The following IL1RAP variants were observed in gnomAD, a reference collection of about 807,000 sequenced individuals.
IL1RAP encodes the protein interleukin-1 receptor accessory protein.
A neutral mutation model predicts 60.7 loss-of-function variants in IL1RAP; 35 were observed. The observed-to-expected ratio is 0.58, with a 90% CI of 0.44 to 0.76. IL1RAP has a LOEUF of 0.76. Ranked by LOEUF, IL1RAP falls within the 30% of genes least tolerant of loss-of-function variation. IL1RAP has a pLI of 0.00. For missense variants in IL1RAP, 572 were observed against 693.9 expected (o/e 0.82, Z 1.97); for synonymous variants, 268 against 250.9 (o/e 1.07, Z -0.64).
At chr3:190,562,745 A>T (rs550216661) in intron 2 of IL1RAP, among the ~76,000 whole-genome samples, 19 of 151,622 alleles carry the variant, frequency 1.3e-4, no homozygotes, top group Non-Finnish European at 2.7e-4. Context: ...CATCTGCTAC[A>T]TAACCACACA....
intron 3 of IL1RAP, among the ~76,000 whole-genome samples, chr3:190,594,901 T>C (rs1421156383): frequency 6.6e-6 from 1 of 152,220 alleles, no homozygotes; most frequent in Non-Finnish European, 1.5e-5. Flanking sequence ...TACACTATTA[T>C]GAGCTTCTTT....
At position 190,623,390 on chromosome 3, in the gene IL1RAP, T is replaced by A. The variant is rs1731948729; in HGVS notation, c.750T>A (p.Asp250Glu). The A allele has an allele frequency of 1.9e-6, 3 of 1,613,200 alleles. No individual in the cohort carries two copies. In the East Asian group the frequency reaches 6.7e-5, roughly 36 times the overall value. ...AVPPVIHSPN[D>E]HVVYEKEPGE... Reference sequence around the variant, plus strand: ...CCCCTGTGATCCATTCACCTAATGATCATGTGGTCTATGAGAAAGAACCAG... The same window carrying A: ...CCCCTGTGATCCATTCACCTAATGAACATGTGGTCTATGAGAAAGAACCAG... The change falls in exon 7 of 12, where the codon GAT becomes GAA. Residue 250 changes from aspartate (D) to glutamate (E), a missense_variant. Asp to Glu is a conservative substitution (Grantham distance 45, BLOSUM62 2). Coordinates refer to ENST00000447382, the MANE Select transcript of IL1RAP (RefSeq NM_002182.4).
At chr3:190,523,746 A>T (rs543457380) in intron 1 of IL1RAP, among the ~76,000 whole-genome samples, 1 of 152,052 alleles carries the variant, frequency 6.6e-6, no homozygotes, top group African/African-American at 2.4e-5. Context: ...TATGTACCAT[A>T]TTTTCTTTAT....
intron 1 of IL1RAP, among the ~76,000 whole-genome samples, chr3:190,518,241 T>C (rs995999472): frequency 6.6e-6 from 1 of 152,074 alleles, no homozygotes; most frequent in Non-Finnish European, 1.5e-5. Flanking sequence ...ATAGAGATGA[T>C]CTTTTGGCTC....
intron 3 of IL1RAP, among the ~76,000 whole-genome samples, chr3:190,579,083 G>A (rs1727758303): frequency 6.6e-6 from 1 of 152,104 alleles, no homozygotes; most frequent in Non-Finnish European, 1.5e-5. Flanking sequence ...ATATCTCTTT[G>A]TTACAGGCAG....
At chr3:190,573,044 TAGTAGAGACGGGGTTTC>T (rs1727118128) in intron 3 of IL1RAP, among the ~76,000 whole-genome samples, 1 of 50,502 alleles carries the variant, frequency 2.0e-5, no homozygotes, top group South Asian at 5.7e-4. Context: ...TTTGTATTTT[TAGTAGAGACGGGGTTTC>T]ACCGTTTTAG....
At chr3:190,655,203 A>G (rs931873238), downstream of IL1RAP, among the ~76,000 whole-genome samples, 1 of 152,152 alleles carries the variant, frequency 6.6e-6, no homozygotes, top group African/African-American at 2.4e-5. Flanking sequence ...TGATCAGACT[A>G]TGTCAGGAGC....
rs143025287 is a variant in IL1RAP at position 190,562,371 on chromosome 3, GT to G, written c.-1-1908del. ...CACTTTTTACTTCATATTGCAGGGGGTTTTTTTTTTGGTGCACATTTTAAGT... is the reference window on the plus strand; with the variant it reads ...CACTTTTTACTTCATATTGCAGGGGGTTTTTTTTTGGTGCACATTTTAAGT... On this transcript the variant is annotated intron_variant, in intron 2 of 11. Coordinates refer to ENST00000447382, the MANE Select transcript of IL1RAP (RefSeq NM_002182.4). Among the ~76,000 whole-genome samples, 71 of 147,400 alleles carry G rather than the reference GT, an allele frequency of 4.8e-4. 3 individuals are homozygous for G. Among genetic ancestry groups the G allele is most frequent in the Admixed American group, 1.7e-3 (25 of 14,770 alleles).
intron 7 of IL1RAP, among the ~76,000 whole-genome samples, chr3:190,625,978 A>G (rs141583631): frequency 4.7e-4 from 72 of 152,326 alleles, no homozygotes; most frequent in Non-Finnish European, 1.3e-4. Context: ...ATGGGAGGGT[A>G]GATAGAGTAT....
chr3:190,561,392 C>T (rs570215518), intron 2 of IL1RAP, among the ~76,000 whole-genome samples: 1 of 152,260 alleles, frequency 6.6e-6, no homozygotes, highest in Non-Finnish European at 1.5e-5. Flanking sequence ...TATTCTAATT[C>T]ATCACAGGGC....
At chr3:190,574,069 C>A (rs1431212406) in intron 3 of IL1RAP, among the ~76,000 whole-genome samples, 2 of 152,150 alleles carry the variant, frequency 1.3e-5, no homozygotes, top group African/African-American at 2.4e-5. Flanking sequence ...ATTTAAAATA[C>A]ACCATGCTGC....
chr3:190,535,958 A>G (rs1163675446), intron 1 of IL1RAP, among the ~76,000 whole-genome samples: 31 of 152,182 alleles, frequency 2.0e-4, no homozygotes, highest in Admixed American at 2.0e-3. Context: ...ATCCTGAGAA[A>G]TTATACTTTC....
intron 3 of IL1RAP, chr3:190,564,565 G>T: frequency 1.8e-6 from 1 of 567,358 alleles, no homozygotes; most frequent in Non-Finnish European, 3.2e-6. Context: ...GTACACAGGG[G>T]GCAGTGGGCC....
intron 9 of IL1RAP, chr3:190,642,164 G>A (rs1420758419): frequency 6.6e-6 from 1 of 152,150 alleles, no homozygotes; most frequent in South Asian, 2.1e-4. Flanking sequence ...TGATTTCCTG[G>A]ATGTGAAGCT....
At chr3:190,576,914 G>GGCTAA (rs1560183284) in intron 3 of IL1RAP, among the ~76,000 whole-genome samples, 6 of 151,258 alleles carry the variant, frequency 4.0e-5, no homozygotes, top group Admixed American at 6.6e-5. Context: ...GAGATCGAGA[G>GGCTAA]CACGGTGAAA....
intron 1 of IL1RAP, among the ~76,000 whole-genome samples, chr3:190,539,924 CT>C (rs1182739815): frequency 6.6e-6 from 1 of 151,864 alleles, no homozygotes; most frequent in African/African-American, 2.4e-5. Flanking sequence ...CTTCTTTCTA[CT>C]TTTATTGGCT....
chr3:190,658,109 C>T (rs1734675019), exon 12 of IL1RAP: 1 of 150,682 alleles, frequency 6.6e-6, no homozygotes, highest in South Asian at 2.1e-4. Context: ...ATTTTTGTCA[C>T]TAATTGAGCC....
intron 3 of IL1RAP, among the ~76,000 whole-genome samples, chr3:190,574,792 G>A (rs1349446657): frequency 2.0e-5 from 3 of 152,128 alleles, no homozygotes; most frequent in Non-Finnish European, 2.9e-5. Context: ...TCTCGGAAAC[G>A]ATCACTTTTT....
At chr3:190,595,507 C>A (rs1729302211) in intron 3 of IL1RAP, among the ~76,000 whole-genome samples, 1 of 152,174 alleles carries the variant, frequency 6.6e-6, no homozygotes. Context: ...ATCTCAGTCC[C>A]AGGTTAATAT....
Sources: gnomAD v4.1 joint callset for allele counts (sites outside exome capture counted in the v4.1 genomes callset) on GRCh38, gnomAD v4.1.1 for gene constraint, MANE v1.5 for transcripts, NCBI Gene and HGNC (gene_info 2026-07-23, HGNC 2026-07-21) for gene names.